NCAPG2: variants seen among roughly 807,000 people sequenced by gnomAD.
NCAPG2 encodes condensin-2 complex subunit G2.
NCAPG2 carries 53 observed loss-of-function variants against 141.1 expected under a neutral mutation model. That is an observed-to-expected ratio of 0.38 (90% CI 0.30 to 0.47). The LOEUF is 0.47. Ranked by LOEUF, NCAPG2 falls within the 20% of genes least tolerant of loss-of-function variation. The pLI is 0.99. For synonymous variants in NCAPG2, 499 were observed against 490.7 expected (o/e 1.02, Z -0.22); for missense variants, 1,087 against 1,389.0 (o/e 0.78, Z 3.46).
At chr7:158,654,813 G>T in intron 21 of NCAPG2, 119 bp from the exon 22 acceptor site, 2 of 1,420,516 alleles carry the variant, frequency 1.4e-6, no homozygotes, top group Non-Finnish European at 1.8e-6. Context: ...TTTTTATAAA[G>T]ATGTTTTATA....
chr7:158,644,426 C>T (rs1299060483), intron 26 of NCAPG2, 38 bp from the exon 27 acceptor site: 1 of 1,520,630 alleles, frequency 6.6e-7, no homozygotes, highest in East Asian at 2.3e-5. Flanking sequence ...AAGACTTTAA[C>T]ATCACTACAC....
At chr7:158,662,958 T>G (rs1306036238) in intron 15 of NCAPG2, among the ~76,000 whole-genome samples, 1 of 152,210 alleles carries the variant, frequency 6.6e-6, no homozygotes. Context: ...ACTTACACTT[T>G]CCTGAACATA....
rs771034665 is a variant in NCAPG2, at chr7:158,675,473, T to C, written c.1326+4A>G. On this transcript the variant is annotated splice_donor_region_variant and intron_variant, in intron 12 of 27. Coordinates refer to ENST00000356309, the MANE Select transcript of NCAPG2 (RefSeq NM_017760.7). Reference sequence around the variant, plus strand: ...CATTACTTACATAATTTAAAAAATCTTACCTTAAAGACAGAACAACGAACA... The same window carrying C: ...CATTACTTACATAATTTAAAAAATCCTACCTTAAAGACAGAACAACGAACA... 1.3e-6 allele frequency: 2 copies of C among 1,571,056 alleles called. No individual in the cohort carries two copies. The highest frequency in any genetic ancestry group is 1.2e-5 in the South Asian group (1 of 84,058).
intron 10 of NCAPG2, among the ~76,000 whole-genome samples, chr7:158,680,327 T>A (rs1834370076): frequency 6.6e-6 from 1 of 152,150 alleles, no homozygotes; most frequent in Non-Finnish European, 1.5e-5. Flanking sequence ...TCACCCCACA[T>A]CCTCACTAAA....
At chr7:158,665,149 T>C (rs1289505532) in intron 13 of NCAPG2, 1 of 180,132 alleles carries the variant, frequency 5.6e-6, no homozygotes, top group African/African-American at 2.4e-5. Flanking sequence ...ACGTGGACAC[T>C]CCATCTCCTA....
intron 11 of NCAPG2, among the ~76,000 whole-genome samples, chr7:158,678,687 CTAAAATAAAA>C (rs568243725): frequency 1.6e-3 from 226 of 141,076 alleles, no homozygotes; most frequent in African/African-American, 5.5e-3. Flanking sequence ...GACTCTGTCT[CTAAAATAAAA>C]TAAAATAAAA....
chr7:158,686,285 T>A (rs1376353585), intron 7 of NCAPG2, 44 bp from the exon 8 acceptor site: 4 of 1,187,882 alleles, frequency 3.4e-6, no homozygotes, highest in Non-Finnish European at 4.8e-6. Context: ...ATTTTAAGAA[T>A]TATTCTTTCA....
In NCAPG2 at chr7:158,669,232, C is replaced by T. The variant is rs1013802157; in HGVS notation, c.1479+2282G>A. On this transcript the variant is annotated intron_variant, in intron 13 of 27. Coordinates refer to ENST00000356309, the MANE Select transcript of NCAPG2 (RefSeq NM_017760.7). ...TGTGAATAGTGCTTCAATGAACATA[C>T]GCAAACATATATCTTTATAATAAAA... Among the ~76,000 whole-genome samples, 10 of 152,106 alleles carry T rather than the reference C, an allele frequency of 6.6e-5. No individual in the cohort carries two copies. In the East Asian group the frequency reaches 1.2e-3, roughly 18 times the overall value.
At chr7:158,645,245 A>G (rs914068802) in intron 26 of NCAPG2, among the ~76,000 whole-genome samples, 1 of 152,236 alleles carries the variant, frequency 6.6e-6, no homozygotes, top group Non-Finnish European at 1.5e-5. Context: ...GAACACTTAA[A>G]TGGACCTAGT....
At chr7:158,672,292 G>GTATA (rs1563549335) in intron 12 of NCAPG2, among the ~76,000 whole-genome samples, 60 of 27,198 alleles carry the variant, frequency 2.2e-3, no homozygotes, top group South Asian at 6.9e-3. Flanking sequence ...GTGTGTGTGT[G>GTATA]TATATATATA....
At chr7:158,677,671 A>G (rs1462613701) in intron 11 of NCAPG2, among the ~76,000 whole-genome samples, 1 of 152,132 alleles carries the variant, frequency 6.6e-6, no homozygotes, top group East Asian at 1.9e-4. Context: ...ATTCCAGACA[A>G]TCACCTTACA....
At chr7:158,641,491 A>C (rs1587064521) in intron 27 of NCAPG2, 2 of 686,252 alleles carry the variant, frequency 2.9e-6, no homozygotes, top group East Asian at 5.5e-5. Flanking sequence ...AGGCAGAAGG[A>C]TAGATTGAGT....
chr7:158,644,245 G>T, intron 27 of NCAPG2, 44 bp downstream of exon 27: 1 of 1,468,608 alleles, frequency 6.8e-7, no homozygotes, highest in Non-Finnish European at 9.5e-7. Context: ...AAAGAAGAAT[G>T]AGCAGTTTTA....
intron 27 of NCAPG2, among the ~76,000 whole-genome samples, chr7:158,637,652 G>A (rs995368587): frequency 1.4e-3 from 19 of 13,944 alleles, no homozygotes; most frequent in Admixed American, 3.6e-3. Context: ...GTGAGTGGAC[G>A]TCCTCAGGTC....
rs1422692900 is a variant in NCAPG2, at chr7:158,680,809, C to G, written c.932G>C (p.Ser311Thr). The change falls in exon 10 of 28, where the codon AGT (serine) becomes ACT (threonine). Residue 311 changes from serine to threonine, a missense_variant. Physicochemically the swap from Ser to Thr is moderately conservative, Grantham distance 58 (BLOSUM62 1). Transcript: ENST00000356309. ...PVHSKVREVLSYFHHQKKVRQ... is the reference protein window; with the variant it reads ...PVHSKVREVLTYFHHQKKVRQ... ...AACTTTCTTTTGATGGTGAAAGTAACTCAGAACCTAAGGACCAAAAAAAGG... is the reference window on the plus strand; with the variant it reads ...AACTTTCTTTTGATGGTGAAAGTAAGTCAGAACCTAAGGACCAAAAAAAGG... The G allele has an allele frequency of 6.3e-7, 1 of 1,595,930 alleles. No individual in the cohort carries two copies. The highest frequency in any genetic ancestry group is 1.8e-5 in the Admixed American group (1 of 57,106).
In NCAPG2 at chr7:158,692,934, T is replaced by C. The variant is rs1212675907; in HGVS notation, c.290A>G (p.Tyr97Cys). 2.5e-6 allele frequency: 4 copies of C among 1,576,120 alleles called. No homozygotes were observed. The highest frequency in any genetic ancestry group is 2.7e-5 in the African/African-American group (2 of 73,760). Reference protein sequence around the residue: ...SKMRKSIEIIYAITSVILASV... With the variant: ...SKMRKSIEIICAITSVILASV... The stretch of plus-strand genomic sequence containing the variant: ...AGCAAGAATCACAGATGTAATTGCA[T>C]AAATTATTTCTATGCTTTTTCTCTA... Residue 97 changes from tyrosine to cysteine, a missense_variant, in exon 4 of 28, where the codon TAT becomes TGT. Transcript: ENST00000356309.
At chr7:158,670,448 C>T (rs1833614017) in intron 13 of NCAPG2, among the ~76,000 whole-genome samples, 1 of 152,062 alleles carries the variant, frequency 6.6e-6, no homozygotes, top group Non-Finnish European at 1.5e-5. Flanking sequence ...CTCCTGTGGT[C>T]CTAGCCACTT....
intron 25 of NCAPG2, 81 bp from the exon 26 acceptor site, chr7:158,645,700 AACC>A: frequency 7.9e-7 from 1 of 1,259,602 alleles, no homozygotes. Flanking sequence ...GCCAAGGTTC[AACC>A]ACAACCACAA....
intron 12 of NCAPG2, among the ~76,000 whole-genome samples, chr7:158,672,795 G>A (rs6977288): frequency 0.55 from 83,149 of 151,924 alleles, 23,296 homozygotes; most frequent in Non-Finnish European, 0.6. Context: ...ACCGGCCACC[G>A]GCCACCACCT....
Sources: allele counts gnomAD v4.1 joint callset (sites outside exome capture counted in the v4.1 genomes callset), GRCh38; gene constraint gnomAD v4.1.1; transcripts MANE v1.5; gene names NCBI Gene and HGNC (gene_info 2026-07-23, HGNC 2026-07-21).